FBXO21: variants seen among roughly 807,000 people sequenced by gnomAD.
FBXO21 encodes the protein F-box protein 21.
In FBXO21, 32 loss-of-function variants were observed where a neutral mutation model predicts 76.6. The ratio of observed to expected loss-of-function variants is 0.42; its 90% CI spans 0.32 to 0.56. The LOEUF is 0.56. Ranked by LOEUF, FBXO21 falls within the 20% of genes least tolerant of loss-of-function variation. The pLI is 0.16. For missense variants in FBXO21, 586 were observed against 797.3 expected, an observed-to-expected ratio of 0.73 and a Z score of 3.19; for synonymous variants, 328 against 311.5, an observed-to-expected ratio of 1.05 and a Z score of -0.56.
At chr12:117,188,691 G>C (rs1956313124) in intron 2 of FBXO21, 1 of 148,936 alleles carries the variant, frequency 6.7e-6, no homozygotes, top group African/African-American at 2.5e-5. Flanking sequence ...CAGGGATAAT[G>C]AATGCAAGAC....
At chr12:117,156,879 A>C (rs1028705604) in intron 10 of FBXO21, among the ~76,000 whole-genome samples, 2 of 152,222 alleles carry the variant, frequency 1.3e-5, no homozygotes, top group African/African-American at 4.8e-5. Context: ...CTAATAACTC[A>C]ATAGAAAAAA....
At chr12:117,168,961 T>C (rs1956089935) in intron 7 of FBXO21, among the ~76,000 whole-genome samples, 1 of 152,150 alleles carries the variant, frequency 6.6e-6, no homozygotes, top group Non-Finnish European at 1.5e-5. Context: ...GACCCAGCAA[T>C]CCCATTACTG....
Position 117,158,077 on chromosome 12 carries a change from C to T in FBXO21, c.1327-14G>A, listed in dbSNP as rs763653790. 1.9e-6 allele frequency: 3 copies of T among 1,613,758 alleles called. No homozygotes were observed. The highest frequency in any genetic ancestry group is 1.7e-5 in the Admixed American group (1 of 59,890). ...GATGTCAAGCACCTTCAAAACAAGA[C>T]AGAAAGACTAAAAGATAATATTTTC... On this transcript the variant is annotated splice_polypyrimidine_tract_variant and intron_variant, in intron 9 of 11. Transcript: ENST00000622495.
At chr12:117,188,273 G>A (rs1037275659) in intron 2 of FBXO21, among the ~76,000 whole-genome samples, 3 of 152,154 alleles carry the variant, frequency 2.0e-5, no homozygotes, top group Admixed American at 6.6e-5. Context: ...GGCCAGGCAC[G>A]GTGGCTCACG....
intron 9 of FBXO21, 116 bp downstream of exon 9, chr12:117,165,369 G>A: frequency 9.3e-7 from 1 of 1,074,482 alleles, no homozygotes; most frequent in Non-Finnish European, 1.3e-6. Context: ...TTGGGAGACT[G>A]AATAAATTTG....
chr12:117,162,290 C>T (rs1955988487), intron 9 of FBXO21, among the ~76,000 whole-genome samples: 1 of 152,218 alleles, frequency 6.6e-6, no homozygotes, highest in African/African-American at 2.4e-5. Flanking sequence ...TGTGTGCTGG[C>T]TTCTTCAGAA....
chr12:117,187,420 CAA>C (rs921514232), intron 2 of FBXO21, among the ~76,000 whole-genome samples: 928 of 59,598 alleles, frequency 0.016, 9 homozygotes, highest in African/African-American at 0.059. Context: ...AACTCTGTCT[CAA>C]AAAAAAAAAA....
At chr12:117,189,444 G>C in intron 1 of FBXO21, 82 bp from the exon 2 acceptor site, 2 of 1,506,408 alleles carry the variant, frequency 1.3e-6, no homozygotes, top group African/African-American at 1.4e-5. Flanking sequence ...TTGGAAACAG[G>C]GACAGCAGTG....
At chr12:117,182,622 GTGCAATCTCAGCTTAC>G (rs1268239097) in intron 3 of FBXO21, among the ~76,000 whole-genome samples, 10 of 142,454 alleles carry the variant, frequency 7.0e-5, no homozygotes, top group African/African-American at 1.6e-4. Flanking sequence ...GAGTGCAGTG[GTGCAATCTCAGCTTAC>G]TGCAACCTCA....
chr12:117,147,833 G>A (rs555477588), intron 11 of FBXO21, among the ~76,000 whole-genome samples: 2 of 152,194 alleles, frequency 1.3e-5, no homozygotes, highest in South Asian at 4.1e-4. Context: ...AGCTGGGCTG[G>A]GCAGATCCTC....
At chr12:117,151,869 C>CA (rs5801219) in intron 11 of FBXO21, among the ~76,000 whole-genome samples, 27,629 of 152,034 alleles carry the variant, frequency 0.18, 3,153 homozygotes, top group East Asian at 0.41. Flanking sequence ...CAAGGATATT[C>CA]AAAAAGTGCT....
At chr12:117,168,326 C>T (rs990338313) in intron 7 of FBXO21, among the ~76,000 whole-genome samples, 2 of 152,038 alleles carry the variant, frequency 1.3e-5, no homozygotes, top group African/African-American at 4.8e-5. Flanking sequence ...GAGATCGAGA[C>T]CATCCTGGCC....
chr12:117,171,148 G>C (rs546981274), intron 7 of FBXO21, among the ~76,000 whole-genome samples: 4 of 152,114 alleles, frequency 2.6e-5, no homozygotes, highest in Non-Finnish European at 5.9e-5. Context: ...CGGATCACTT[G>C]AACTCAGGCG....
At chr12:117,147,156 C>G (rs988965483) in intron 11 of FBXO21, among the ~76,000 whole-genome samples, 5 of 151,646 alleles carry the variant, frequency 3.3e-5, no homozygotes, top group Non-Finnish European at 5.9e-5. Flanking sequence ...ACAGGAAAAT[C>G]GCTTGAACCT....
chr12:117,182,564 CTTTTT>C (rs891529583), intron 3 of FBXO21, among the ~76,000 whole-genome samples: 4 of 83,338 alleles, frequency 4.8e-5, no homozygotes, highest in South Asian at 5.5e-4. Flanking sequence ...GCAAGAGGAT[CTTTTT>C]TTTTTTTTTT....
At chr12:117,175,519 G>T (rs959786880) in intron 4 of FBXO21, among the ~76,000 whole-genome samples, 1 of 152,206 alleles carries the variant, frequency 6.6e-6, no homozygotes, top group South Asian at 2.1e-4. Flanking sequence ...AGAGATCTCA[G>T]ACCAGCTCAG....
Position 117,146,026 on chromosome 12 carries a change from C to T in FBXO21, c.*61G>A, listed in dbSNP as rs1317372390. On this transcript the variant is annotated 3_prime_UTR_variant, in exon 12 of 12. Coordinates refer to ENST00000622495, the MANE Select transcript of FBXO21 (RefSeq NM_015002.3). ...AGGGCTCCGTGGAGACGTCTTCTTCCGGAGTCCCGTTCTCTTGGAAGATAG... is the reference window on the plus strand; with the variant it reads ...AGGGCTCCGTGGAGACGTCTTCTTCTGGAGTCCCGTTCTCTTGGAAGATAG... The T allele has an allele frequency of 2.3e-5, 32 of 1,412,060 alleles. No homozygotes were observed. In the East Asian group the frequency reaches 3.8e-4, roughly 17 times the overall value. 87.5% of individuals were successfully genotyped at this position (1,412,060 alleles called of 1,614,324 possible). A position where few individuals can be genotyped will look rare whatever the true frequency, so the allele number is the denominator to read the frequency against.
chr12:117,186,677 C>A, intron 2 of FBXO21, 106 bp from the exon 3 acceptor site: 2 of 680,328 alleles, frequency 2.9e-6, no homozygotes, highest in South Asian at 1.8e-5. Flanking sequence ...AAAGACAGTG[C>A]TAACAGTTAT....
At chr12:117,150,806 C>T (rs1955828494) in intron 11 of FBXO21, among the ~76,000 whole-genome samples, 1 of 151,992 alleles carries the variant, frequency 6.6e-6, no homozygotes, top group Non-Finnish European at 1.5e-5. Flanking sequence ...CACTCAACCC[C>T]ACCCCCATGC....
Sources: allele counts gnomAD v4.1 joint callset (sites outside exome capture counted in the v4.1 genomes callset), GRCh38; gene constraint gnomAD v4.1.1; transcripts MANE v1.5; gene names NCBI Gene and HGNC (gene_info 2026-07-23, HGNC 2026-07-21).